Variants in ADCY9 observed in about 807,000 individuals in gnomAD.
The protein encoded by ADCY9 is adenylate cyclase type 9.
ADCY9 carries 50 observed loss-of-function variants against 101.5 expected under a neutral mutation model. The ratio of observed to expected loss-of-function variants is 0.49; its 90% CI spans 0.39 to 0.62. The LOEUF is 0.62. ADCY9 is among the 20% of genes least tolerant of loss of function. ADCY9 has a pLI of 0.00. For missense variants in ADCY9, 1,662 were observed against 1,800.4 expected, an observed-to-expected ratio of 0.92 and a Z score of 1.39; for synonymous variants, 905 against 769.3, an observed-to-expected ratio of 1.18 and a Z score of -2.92.
chr16:4,074,352 GA>G (rs979265161), intron 2 of ADCY9, among the ~76,000 whole-genome samples: 14 of 151,666 alleles, frequency 9.2e-5, no homozygotes, highest in African/African-American at 3.4e-4. Context: ...AAATAAGTGA[GA>G]AAAAATATAT....
chr16:4,081,707 G>A (rs946576860), intron 2 of ADCY9, among the ~76,000 whole-genome samples: 5 of 151,720 alleles, frequency 3.3e-5, no homozygotes, highest in Non-Finnish European at 7.4e-5. Context: ...AGGAGGGGAG[G>A]AGGGCGCTGT....
chr16:4,040,095 G>T (rs1015679307), intron 2 of ADCY9, among the ~76,000 whole-genome samples: 1 of 152,054 alleles, frequency 6.6e-6, no homozygotes, highest in African/African-American at 2.4e-5. Flanking sequence ...AGCTTAACAC[G>T]CCTTTTCATA....
chr16:3,997,747 C>G (rs899356185), intron 3 of ADCY9, among the ~76,000 whole-genome samples: 1 of 152,158 alleles, frequency 6.6e-6, no homozygotes, highest in African/African-American at 2.4e-5. Flanking sequence ...TGGCATGGTC[C>G]CACAGACCTG....
chr16:4,041,746 AT>A (rs1042775207), intron 2 of ADCY9, among the ~76,000 whole-genome samples: 1 of 146,820 alleles, frequency 6.8e-6, no homozygotes, highest in African/African-American at 2.6e-5. Context: ...TATTTATCTG[AT>A]TTTTTTTGTT....
At chr16:3,961,427 G>A (rs1473744162), downstream of ADCY9, among the ~76,000 whole-genome samples, 1 of 150,070 alleles carries the variant, frequency 6.7e-6, no homozygotes, top group African/African-American at 2.5e-5. Context: ...CAGCCTGGGT[G>A]ACAAAATGAG....
chr16:4,001,256 C>T (rs1244515583), intron 3 of ADCY9, among the ~76,000 whole-genome samples: 2 of 152,300 alleles, frequency 1.3e-5, no homozygotes, highest in East Asian at 1.9e-4. Context: ...GCCCCCTGCT[C>T]ACCCCCAGCC....
chr16:4,113,448 T>A (rs548012265), intron 2 of ADCY9, among the ~76,000 whole-genome samples: 3 of 152,326 alleles, frequency 2.0e-5, no homozygotes, highest in South Asian at 4.1e-4. Context: ...TCCATACCCT[T>A]ACATTCACCG....
intron 2 of ADCY9, among the ~76,000 whole-genome samples, chr16:4,063,730 C>T (rs1164758230): frequency 6.7e-6 from 1 of 148,794 alleles, no homozygotes; most frequent in Non-Finnish European, 1.5e-5. Context: ...AAAACACAAA[C>T]CTGAGTTTCC....
intron 10 of ADCY9, among the ~76,000 whole-genome samples, chr16:3,973,920 T>G (rs918478881): frequency 6.6e-6 from 1 of 152,236 alleles, no homozygotes; most frequent in African/African-American, 2.4e-5. Flanking sequence ...CTATTGAATT[T>G]TACTTTTTCT....
intron 10 of ADCY9, among the ~76,000 whole-genome samples, chr16:3,974,103 A>G (rs919690332): frequency 6.6e-6 from 1 of 152,154 alleles, no homozygotes; most frequent in African/African-American, 2.4e-5. Context: ...GTGCAGTGGC[A>G]CAATCTTGGC....
In ADCY9 at chr16:4,074,788, G is replaced by GA. The variant is rs1246521971; in HGVS notation, c.1693+38961dup. 5.9e-5 allele frequency among the ~76,000 whole-genome samples: 9 copies of GA among 151,352 alleles called. No individual in the cohort carries two copies. The East Asian group carries it at 1.6e-3, about 26-fold the overall frequency. The stretch of plus-strand genomic sequence containing the variant: ...TGGAAGGTTAAAAAGTGATCGAGGG[G>GA]AAAAAAAAGCAGTTCGGTATTTCTT... On this transcript the variant is annotated intron_variant, in intron 2 of 10. Transcript: ENST00000294016.
intron 2 of ADCY9, among the ~76,000 whole-genome samples, chr16:4,088,627 G>A (rs1264633417): frequency 2.6e-5 from 4 of 151,882 alleles, no homozygotes; most frequent in Non-Finnish European, 4.4e-5. Context: ...CCTGAAGCTC[G>A]GTGATCACCT....
rs1365225812 is a variant in ADCY9, at chr16:3,966,367, A to T, written c.3470T>A (p.Leu1157Gln). The T allele has an allele frequency of 6.2e-7, 1 of 1,614,032 alleles. No individual in the cohort carries two copies. Among genetic ancestry groups the T allele is most frequent in the Admixed American group, 1.7e-5 (1 of 60,022 alleles). The change falls in exon 11 of 11, where the codon CTG becomes CAG. Residue 1157 changes from leucine to glutamine, a missense_variant. By Grantham distance (113) the Leu-to-Gln change is moderately radical. Transcript: ENST00000294016. The part of the protein sequence containing the change: ...RVVDDFNNNM[L>Q]WFNFKLRVGF... Reference sequence around the variant, plus strand: ...GACGCGGAGCTTGAAGTTGAACCACAGCATGTTGTTGTTGAAGTCGTCCAC... The same window carrying T: ...GACGCGGAGCTTGAAGTTGAACCACTGCATGTTGTTGTTGAAGTCGTCCAC...
At chr16:4,068,695 T>C (rs1034228741) in intron 2 of ADCY9, among the ~76,000 whole-genome samples, 2 of 151,742 alleles carry the variant, frequency 1.3e-5, no homozygotes, top group Non-Finnish European at 2.9e-5. Context: ...CGGGCGCCTG[T>C]AGTCCCAGCT....
intron 7 of ADCY9, chr16:3,983,013 C>A: frequency 1.7e-6 from 1 of 585,268 alleles, no homozygotes; most frequent in Non-Finnish European, 3.0e-6. Flanking sequence ...GTGGAGGCAC[C>A]GCCCCCTCCA....
intron 2 of ADCY9, among the ~76,000 whole-genome samples, chr16:4,056,179 A>G (rs1045721407): frequency 6.6e-6 from 1 of 152,194 alleles, no homozygotes; most frequent in African/African-American, 2.4e-5. Context: ...AGCTCTCAAC[A>G]TATTTATAGA....
At chr16:4,021,830 T>TA (rs959146203) in intron 2 of ADCY9, among the ~76,000 whole-genome samples, 8 of 152,208 alleles carry the variant, frequency 5.3e-5, no homozygotes, top group African/African-American at 1.9e-4. Context: ...ACACTTCTGT[T>TA]AGAGTCTTTG....
chr16:4,073,279 G>T (rs533155988), intron 2 of ADCY9, among the ~76,000 whole-genome samples: 1 of 151,694 alleles, frequency 6.6e-6, no homozygotes, highest in East Asian at 1.9e-4. Context: ...TAGAGACGGG[G>T]TTTCGCCTTG....
At chr16:4,092,189 G>C (rs191055758) in intron 2 of ADCY9, among the ~76,000 whole-genome samples, 4 of 152,348 alleles carry the variant, frequency 2.6e-5, no homozygotes, top group Non-Finnish European at 5.9e-5. Flanking sequence ...AGAATTGCCT[G>C]AATCCAGGAA....
Sources: gnomAD v4.1 joint callset for allele counts (sites outside exome capture counted in the v4.1 genomes callset) on GRCh38, gnomAD v4.1.1 for gene constraint, MANE v1.5 for transcripts, NCBI Gene and HGNC (gene_info 2026-07-23, HGNC 2026-07-21) for gene names.